Variants in MEIS2 observed in about 807,000 individuals in gnomAD.
MEIS2 encodes Meis homeobox 2.
A neutral mutation model predicts 58.6 loss-of-function variants in MEIS2; 9 were observed. The observed-to-expected ratio is 0.15, with a 90% CI of 0.09 to 0.27. The LOEUF is 0.27. Among genes scored for constraint, MEIS2 ranks in the 10% least tolerant of loss-of-function variants. The pLI is 1.00. For synonymous variants in MEIS2, 221 were observed against 228.4 expected (o/e 0.97, Z 0.29); for missense variants, 427 against 635.0 (o/e 0.67, Z 3.52).
intron 8 of MEIS2, among the ~76,000 whole-genome samples, chr15:37,029,126 TG>T (rs1350912321): frequency 6.6e-6 from 1 of 152,186 alleles, no homozygotes; most frequent in Non-Finnish European, 1.5e-5. Flanking sequence ...AATTCACAGA[TG>T]TTTTCTCCTG....
intron 7 of MEIS2, among the ~76,000 whole-genome samples, chr15:37,056,482 A>G (rs1888416409): frequency 6.6e-6 from 1 of 152,238 alleles, no homozygotes; most frequent in South Asian, 2.1e-4. Context: ...GAACAAAAAA[A>G]ATGAATTAAG....
chr15:37,017,662 A>G (rs1276969234), intron 8 of MEIS2, among the ~76,000 whole-genome samples: 1 of 152,176 alleles, frequency 6.6e-6, no homozygotes, highest in East Asian at 1.9e-4. Flanking sequence ...CAGACTAAAA[A>G]AAGAAAAATA....
chr15:37,068,784 G>A (rs572162447), intron 7 of MEIS2, among the ~76,000 whole-genome samples: 1 of 152,188 alleles, frequency 6.6e-6, no homozygotes, highest in Non-Finnish European at 1.5e-5. Context: ...AAAAAGTTAA[G>A]TCACAGCTTC....
At chr15:36,940,305 TC>T (rs1425192549) in intron 9 of MEIS2, among the ~76,000 whole-genome samples, 1 of 152,158 alleles carries the variant, frequency 6.6e-6, no homozygotes, top group Admixed American at 6.6e-5. Context: ...CTTTCTTCTT[TC>T]CCTACTTAAA....
chr15:36,981,414 T>C (rs930218754), intron 8 of MEIS2, among the ~76,000 whole-genome samples: 3 of 152,196 alleles, frequency 2.0e-5, no homozygotes, highest in Non-Finnish European at 2.9e-5. Context: ...AATTTTATTT[T>C]TTATTTTTTT....
chr15:36,961,221 G>C (rs1233291972), intron 8 of MEIS2, among the ~76,000 whole-genome samples: 2 of 152,050 alleles, frequency 1.3e-5, no homozygotes, highest in Non-Finnish European at 2.9e-5. Context: ...TTTGTATATA[G>C]ACGAAATCAA....
At chr15:37,098,749 T>G (rs1337440512) in intron 1 of MEIS2, among the ~76,000 whole-genome samples, 1 of 150,964 alleles carries the variant, frequency 6.6e-6, no homozygotes, top group Admixed American at 6.6e-5. Flanking sequence ...CCTCTGAGGA[T>G]CCAATAAATC....
chr15:36,915,260 T>C (rs1386964982), intron 9 of MEIS2, among the ~76,000 whole-genome samples: 2 of 152,128 alleles, frequency 1.3e-5, no homozygotes, highest in Non-Finnish European at 2.9e-5. Context: ...TTTTTTCTCC[T>C]GAATGTTCCC....
chr15:36,914,749 T>C (rs1262078785), intron 9 of MEIS2, among the ~76,000 whole-genome samples: 2 of 152,098 alleles, frequency 1.3e-5, no homozygotes, highest in Non-Finnish European at 2.9e-5. Context: ...GACAGAGTCA[T>C]AAGAAACCTT....
chr15:36,988,780 C>G (rs1177520820), intron 8 of MEIS2, among the ~76,000 whole-genome samples: 2 of 152,098 alleles, frequency 1.3e-5, no homozygotes, highest in Non-Finnish European at 2.9e-5. Flanking sequence ...GGCAGTTCCC[C>G]CAAACAATAA....
chr15:37,024,545 T>C (rs1353703445), intron 8 of MEIS2, among the ~76,000 whole-genome samples: 1 of 152,202 alleles, frequency 6.6e-6, no homozygotes, highest in Non-Finnish European at 1.5e-5. Context: ...TTTAGAAGCT[T>C]TCCTCACTCT....
intron 7 of MEIS2, among the ~76,000 whole-genome samples, chr15:37,055,099 T>G (rs867602712): frequency 6.6e-6 from 1 of 152,184 alleles, no homozygotes; most frequent in Middle Eastern, 3.2e-3. Flanking sequence ...GAAACAGGGA[T>G]GACACCAATT....
intron 9 of MEIS2, among the ~76,000 whole-genome samples, chr15:36,941,353 G>T (rs1218031263): frequency 1.3e-5 from 2 of 152,092 alleles, no homozygotes; most frequent in African/African-American, 4.8e-5. Context: ...CCTTTTAACT[G>T]CATTGACAAA....
At chr15:36,974,598 C>T (rs184644454) in intron 8 of MEIS2, among the ~76,000 whole-genome samples, 18 of 152,286 alleles carry the variant, frequency 1.2e-4, no homozygotes, top group Admixed American at 6.5e-4. Context: ...TGCCCCTCAG[C>T]CCACCTTATA....
intron 9 of MEIS2, among the ~76,000 whole-genome samples, chr15:36,941,518 G>A (rs1024057677): frequency 5.9e-5 from 9 of 152,128 alleles, no homozygotes; most frequent in Non-Finnish European, 8.8e-5. Context: ...TTGGAAGAGC[G>A]TATTTTTCTG....
intron 8 of MEIS2, among the ~76,000 whole-genome samples, chr15:36,975,789 A>G (rs999229050): frequency 6.6e-6 from 1 of 152,302 alleles, no homozygotes; most frequent in Non-Finnish European, 1.5e-5. Flanking sequence ...ATTTCAAGAG[A>G]TCTATCGTAC....
intron 4 of MEIS2, 147 bp downstream of exon 4, chr15:37,095,417 G>T: frequency 8.2e-7 from 1 of 1,225,014 alleles, no homozygotes; most frequent in Non-Finnish European, 1.1e-6. Flanking sequence ...CCGTGCGGGG[G>T]CTCTAAGCTG....
Position 37,093,667 on chromosome 15 carries a change from T to C in MEIS2, c.553A>G (p.Ile185Val). The C allele has an allele frequency of 1.9e-6, 3 of 1,614,214 alleles. No homozygotes were observed. The highest frequency in any genetic ancestry group is 2.5e-6 in the Non-Finnish European group (3 of 1,180,042). ...TCTCTTTCATCAATGACGAGGTCGA[T>C]GGGCATTTTCCCCTTCAAACAGCTA... ...YISCLKGKMP[I>V]DLVIDERDGS... The change falls in exon 6 of 12, where the codon ATC becomes GTC. Residue 185 changes from isoleucine (I) to valine (V), a missense_variant. Physicochemically the swap from Ile to Val is conservative, Grantham distance 29. This residue lies in a region of MEIS2 where 138 missense variants were observed against 263.0 expected (regional missense o/e 0.52). Transcript: ENST00000561208.
At chr15:37,018,377 T>G (rs950446251) in intron 8 of MEIS2, among the ~76,000 whole-genome samples, 7 of 152,230 alleles carry the variant, frequency 4.6e-5, no homozygotes, top group African/African-American at 1.7e-4. Context: ...AGGAGAAACG[T>G]GGCAATCTAG....
Sources: gnomAD v4.1 joint callset for allele counts (sites outside exome capture counted in the v4.1 genomes callset) on GRCh38, gnomAD v4.1.1 for gene constraint, gnomAD v4.1.1 regional missense constraint, MANE v1.5 for transcripts, NCBI Gene and HGNC (gene_info 2026-07-23, HGNC 2026-07-21) for gene names.